HELZ: variants seen among roughly 807,000 people sequenced by gnomAD.
The protein encoded by HELZ is helicase with zinc finger, also known as ATP-dependent RNA helicase with zinc finger domain.
Under a neutral mutation model 218.2 loss-of-function variants are expected in HELZ, and 23 were observed. The observed-to-expected ratio is 0.11, with a 90% CI of 0.08 to 0.15. The LOEUF is 0.15. Ranked by LOEUF, HELZ falls within the 10% of genes least tolerant of loss-of-function variation. The pLI is 1.00. For synonymous variants in HELZ, 814 were observed against 829.4 expected, an observed-to-expected ratio of 0.98 and a Z score of 0.32; for missense variants, 1,813 against 2,353.7, an observed-to-expected ratio of 0.77 and a Z score of 4.75.
At chr17:67,205,074 C>T (rs1324702428) in intron 5 of HELZ, among the ~76,000 whole-genome samples, 3 of 152,118 alleles carry the variant, frequency 2.0e-5, no homozygotes, top group African/African-American at 7.2e-5. Context: ...TGCCTGTAAT[C>T]CCAGCATTTT....
At chr17:67,095,028 T>C (rs1380085365) in intron 31 of HELZ, among the ~76,000 whole-genome samples, 1 of 152,346 alleles carries the variant, frequency 6.6e-6, no homozygotes, top group Non-Finnish European at 1.5e-5. Context: ...GATTTCCTTA[T>C]AGCACACAAA....
intron 22 of HELZ, 125 bp downstream of exon 22, chr17:67,137,806 T>C: frequency 1.4e-6 from 1 of 699,646 alleles, no homozygotes; most frequent in Non-Finnish European, 2.2e-6. Context: ...AACCTGGCAT[T>C]AAAGAACTTG....
chr17:67,187,323 G>A (rs1391095783), intron 12 of HELZ, among the ~76,000 whole-genome samples: 1 of 152,042 alleles, frequency 6.6e-6, no homozygotes, highest in African/African-American at 2.4e-5. Context: ...GGTAATCTTA[G>A]CACACGTAGA....
At chr17:67,135,225 GA>G (rs2038112963) in intron 23 of HELZ, among the ~76,000 whole-genome samples, 1 of 152,156 alleles carries the variant, frequency 6.6e-6, no homozygotes, top group African/African-American at 2.4e-5. Context: ...CTAATGTTAA[GA>G]TCTTCTGGAT....
chr17:67,112,448 G>A (rs1383046012), intron 28 of HELZ, among the ~76,000 whole-genome samples: 1 of 152,090 alleles, frequency 6.6e-6, no homozygotes, highest in African/African-American at 2.4e-5. Flanking sequence ...CATGCCACTC[G>A]TTCTCTCTCT....
At chr17:67,094,333 A>AGAGAGAGAGAGAGAGAGAGAGAGAGAG (rs1555597035) in intron 31 of HELZ, among the ~76,000 whole-genome samples, 3 of 146,564 alleles carry the variant, frequency 2.0e-5, no homozygotes, top group African/African-American at 7.9e-5. Context: ...AAAAAAAAAA[A>AGAGAGAGAGAGAGAGAGAGAGAGAGAG]AGAGAGAGAG....
At chr17:67,128,968 C>A (rs1008180438) in intron 23 of HELZ, 113 bp from the exon 24 acceptor site, 3 of 777,484 alleles carry the variant, frequency 3.9e-6, no homozygotes, top group Non-Finnish European at 4.3e-6. Flanking sequence ...AATCCTTAAA[C>A]CCAATAGTCA....
intron 3 of HELZ, among the ~76,000 whole-genome samples, chr17:67,226,063 C>G (rs149067859): frequency 0.011 from 1,600 of 151,956 alleles, 29 homozygotes; most frequent in African/African-American, 0.036. Flanking sequence ...CGATCAAGAC[C>G]ATCCTGGCCA....
At chr17:67,192,025 G>A (rs933727783) in intron 9 of HELZ, among the ~76,000 whole-genome samples, 1 of 151,672 alleles carries the variant, frequency 6.6e-6, no homozygotes, top group Non-Finnish European at 1.5e-5. Flanking sequence ...CCAACATGCA[G>A]AAACCCTGTC....
chr17:67,237,560 T>C (rs1464734507), intron 3 of HELZ, among the ~76,000 whole-genome samples: 2 of 152,084 alleles, frequency 1.3e-5, no homozygotes, highest in East Asian at 3.9e-4. Context: ...AAAATGTAGA[T>C]AGATTTTTTT....
chr17:67,086,661 T>C (rs918469939), intron 32 of HELZ, among the ~76,000 whole-genome samples, 168 bp downstream of exon 32: 2 of 130,468 alleles, frequency 1.5e-5, no homozygotes, highest in South Asian at 5.1e-4. Context: ...TATATATATA[T>C]ATAGAATCAA....
upstream of HELZ, chr17:67,245,559 C>G (rs1186986865): frequency 1.0e-6 from 1 of 978,480 alleles, no homozygotes; most frequent in Non-Finnish European, 1.2e-6. Flanking sequence ...GAGCTGCTCG[C>G]GGATTTATTT....
At chr17:67,128,536 C>T in intron 24 of HELZ, 115 bp downstream of exon 24, 1 of 925,928 alleles carries the variant, frequency 1.1e-6, no homozygotes, top group Non-Finnish European at 1.7e-6. Context: ...CCGCTTGCCG[C>T]CAAATGTAAC....
intron 15 of HELZ, among the ~76,000 whole-genome samples, chr17:67,166,086 G>C (rs1008376136): frequency 1.3e-5 from 2 of 152,110 alleles, no homozygotes; most frequent in African/African-American, 2.4e-5. Flanking sequence ...AATGAGCAAT[G>C]ATCATGCCAC....
intron 5 of HELZ, among the ~76,000 whole-genome samples, chr17:67,211,420 T>A (rs1381495411): frequency 6.6e-6 from 1 of 152,200 alleles, no homozygotes; most frequent in Non-Finnish European, 1.5e-5. Context: ...ATAAATGTCA[T>A]GATGTCTTTA....
chr17:67,200,117 C>T (rs566290801), intron 7 of HELZ, among the ~76,000 whole-genome samples: 1 of 152,322 alleles, frequency 6.6e-6, no homozygotes, highest in East Asian at 1.9e-4. Context: ...GTACCTAGCA[C>T]ATAGGCAATT....
intron 23 of HELZ, among the ~76,000 whole-genome samples, chr17:67,135,105 T>C (rs2038107115): frequency 6.6e-6 from 1 of 152,072 alleles, no homozygotes. Flanking sequence ...AAGATTTTGG[T>C]GTGTAGGTTG....
intron 28 of HELZ, 32 bp from the exon 29 acceptor site, chr17:67,109,718 C>A: frequency 6.6e-7 from 1 of 1,519,116 alleles, no homozygotes; most frequent in Non-Finnish European, 9.0e-7. Context: ...TTTTTAACTG[C>A]AGAAGATTCA....
chr17:67,136,691 T>G (rs1298962269), intron 22 of HELZ, among the ~76,000 whole-genome samples: 1 of 152,076 alleles, frequency 6.6e-6, no homozygotes, highest in African/African-American at 2.4e-5. Flanking sequence ...AATAAACCAG[T>G]CAGGAAAGGA....
Sources: allele counts gnomAD v4.1 joint callset (sites outside exome capture counted in the v4.1 genomes callset), GRCh38; gene constraint gnomAD v4.1.1; transcripts MANE v1.5; gene names NCBI Gene and HGNC (gene_info 2026-07-23, HGNC 2026-07-21).